The following NCOA1 variants were observed in gnomAD, a reference collection of about 807,000 sequenced individuals.
NCOA1 encodes nuclear receptor coactivator 1.
NCOA1 carries 35 observed loss-of-function variants against 150.9 expected under a neutral mutation model. The ratio of observed to expected loss-of-function variants is 0.23; its 90% CI spans 0.18 to 0.31. The LOEUF (loss-of-function observed/expected upper bound fraction) is 0.31, where lower values mean the gene tolerates loss of function less well. NCOA1 is among the 10% of genes least tolerant of loss of function. The probability of loss-of-function intolerance (pLI) is 1.00; values close to 1 mark genes in which losing one functional copy is unlikely to be tolerated. For missense variants in NCOA1, 1,491 were observed against 1,749.3 expected (o/e 0.85, Z 2.63); for synonymous variants, 590 against 630.0 (o/e 0.94, Z 0.95).
intron 1 of NCOA1, among the ~76,000 whole-genome samples, chr2:24,543,384 A>G (rs1425867464): frequency 6.6e-6 from 1 of 152,166 alleles, no homozygotes. Flanking sequence ...ATCTGCCCCC[A>G]TGACCCAAAC....
intron 3 of NCOA1, among the ~76,000 whole-genome samples, chr2:24,605,234 G>A (rs1668311658): frequency 6.6e-6 from 1 of 152,122 alleles, no homozygotes; most frequent in Admixed American, 6.6e-5. Flanking sequence ...GTGAACACAT[G>A]CTTTTGGAAA....
At chr2:24,722,682 A>T (rs1674410558) in intron 14 of NCOA1, among the ~76,000 whole-genome samples, 1 of 151,506 alleles carries the variant, frequency 6.6e-6, no homozygotes, top group Non-Finnish European at 1.5e-5. Context: ...TTCTGGGATA[A>T]TTTTTTTTTA....
intron 8 of NCOA1, among the ~76,000 whole-genome samples, chr2:24,686,492 T>C (rs1465961367): frequency 1.3e-5 from 2 of 152,222 alleles, no homozygotes; most frequent in Admixed American, 6.5e-5. Flanking sequence ...GGCATGCTGC[T>C]TTCTAGCTAG....
chr2:24,627,109 T>C (rs1211710979), intron 3 of NCOA1, among the ~76,000 whole-genome samples: 8 of 143,810 alleles, frequency 5.6e-5, no homozygotes, highest in Non-Finnish European at 6.0e-5. Context: ...ACCTGTTTTT[T>C]TGTTTTTTGC....
At chr2:24,661,461 T>C (rs1671180365) in intron 5 of NCOA1, among the ~76,000 whole-genome samples, 1 of 152,202 alleles carries the variant, frequency 6.6e-6, no homozygotes. Flanking sequence ...AACCTGTTGG[T>C]TAACATTATT....
At chr2:24,681,850 G>T (rs1383654964) in intron 7 of NCOA1, among the ~76,000 whole-genome samples, 1 of 152,044 alleles carries the variant, frequency 6.6e-6, no homozygotes, top group South Asian at 2.1e-4. Context: ...AAGTAACTGG[G>T]ACTACAGGCG....
intron 1 of NCOA1, among the ~76,000 whole-genome samples, chr2:24,532,492 A>G (rs867421138): frequency 1.3e-5 from 2 of 152,108 alleles, no homozygotes; most frequent in African/African-American, 4.8e-5. Context: ...TTTTGTTGCC[A>G]TTGCTTTTGG....
intron 1 of NCOA1, among the ~76,000 whole-genome samples, chr2:24,556,847 A>T (rs544416295): frequency 1.3e-5 from 2 of 151,922 alleles, no homozygotes; most frequent in East Asian, 3.9e-4. Flanking sequence ...AGAACCAGAA[A>T]TTTTTTCTTC....
At chr2:24,693,532 T>C (rs558494773) in intron 10 of NCOA1, among the ~76,000 whole-genome samples, 185 bp downstream of exon 10, 3 of 152,202 alleles carry the variant, frequency 2.0e-5, no homozygotes, top group Non-Finnish European at 4.4e-5. Flanking sequence ...ATCATTATCA[T>C]GGTCAGGGTG....
chr2:24,670,873 GA>G (rs1347494603), intron 6 of NCOA1, among the ~76,000 whole-genome samples: 1 of 152,158 alleles, frequency 6.6e-6, no homozygotes, highest in Non-Finnish European at 1.5e-5. Context: ...TAGTATGTGA[GA>G]TAACATTTTA....
chr2:24,655,269 GT>G (rs1238288471), intron 4 of NCOA1, among the ~76,000 whole-genome samples: 1 of 152,062 alleles, frequency 6.6e-6, no homozygotes, highest in East Asian at 1.9e-4. Flanking sequence ...CCTTTGCTGA[GT>G]ACATATTACC....
At chr2:24,575,981 A>G (rs1047025361) in intron 2 of NCOA1, among the ~76,000 whole-genome samples, 2 of 152,026 alleles carry the variant, frequency 1.3e-5, no homozygotes, top group Non-Finnish European at 2.9e-5. Flanking sequence ...TGTTAGGGTG[A>G]GTCTGGAGCA....
chr2:24,650,578 ACAAGTTAAACCCAACC>A (rs1572542739), intron 4 of NCOA1, among the ~76,000 whole-genome samples: 1 of 152,176 alleles, frequency 6.6e-6, no homozygotes, highest in African/African-American at 2.4e-5. Context: ...CAATAAAAAG[ACAAGTTAAACCCAACC>A]CAAAATCCTA....
At chr2:24,753,570 A>G (rs760246630) in intron 20 of NCOA1, among the ~76,000 whole-genome samples, 44 of 152,326 alleles carry the variant, frequency 2.9e-4, no homozygotes, top group Middle Eastern at 6.8e-3. Context: ...GCCAAAAGCA[A>G]TGCTCATCAG....
intron 2 of NCOA1, among the ~76,000 whole-genome samples, chr2:24,576,865 C>T (rs1384793538): frequency 6.6e-6 from 1 of 152,108 alleles, no homozygotes; most frequent in Non-Finnish European, 1.5e-5. Context: ...TGTCGGGTAC[C>T]TACTGCAGTA....
chr2:24,559,591 A>T (rs1558793988), intron 1 of NCOA1, among the ~76,000 whole-genome samples: 1 of 152,158 alleles, frequency 6.6e-6, no homozygotes, highest in Non-Finnish European at 1.5e-5. Flanking sequence ...TGTCCTGGGC[A>T]TCAACTGGGC....
chr2:24,687,536 G>A (rs1489313833), intron 8 of NCOA1, among the ~76,000 whole-genome samples: 1 of 152,122 alleles, frequency 6.6e-6, no homozygotes, highest in Non-Finnish European at 1.5e-5. Flanking sequence ...AAGGAAAGAG[G>A]TTTAATTGAC....
rs1664979797 is a variant in NCOA1 at position 24,533,333 on chromosome 2, A to G, written c.-395-30962A>G. 2.0e-5 allele frequency among the ~76,000 whole-genome samples: 3 copies of G among 152,224 alleles called. No individual in the cohort carries two copies. In the South Asian group the frequency reaches 6.2e-4, roughly 31 times the overall value. On this transcript the variant is annotated intron_variant, in intron 1 of 22. Coordinates refer to ENST00000348332, the MANE Select transcript of NCOA1 (RefSeq NM_003743.5). The stretch of plus-strand genomic sequence containing the variant: ...GACTGCTGAAGTTGCTTATTAGCTT[A>G]AGGAGATTTTGGGCTGAGACGATGC...
At chr2:24,700,443 G>A (rs17046485) in intron 11 of NCOA1, among the ~76,000 whole-genome samples, 1 of 152,006 alleles carries the variant, frequency 6.6e-6, no homozygotes, top group Non-Finnish European at 1.5e-5. Flanking sequence ...ATCCTAACAT[G>A]CGTTAAAATT....
Sources: gnomAD v4.1 joint callset for allele counts (sites outside exome capture counted in the v4.1 genomes callset) on GRCh38, gnomAD v4.1.1 for gene constraint, MANE v1.5 for transcripts, NCBI Gene and HGNC (gene_info 2026-07-23, HGNC 2026-07-21) for gene names.